Variants in TRMT44 observed in about 807,000 individuals in gnomAD.
The protein encoded by TRMT44 is probable tRNA (uracil-O(2)-)-methyltransferase.
In TRMT44, 78 loss-of-function variants were observed where a neutral mutation model predicts 77.3. That is an observed-to-expected ratio of 1.01 (90% confidence interval 0.84 to 1.22). TRMT44 has a LOEUF of 1.22. Among genes scored for constraint, TRMT44 ranks in the 50% most tolerant of loss-of-function variants. The pLI is 0.00. For missense variants in TRMT44, 1,090 were observed against 964.4 expected, an observed-to-expected ratio of 1.13 and a Z score of -1.73; for synonymous variants, 391 against 383.3, an observed-to-expected ratio of 1.02 and a Z score of -0.23.
At chr4:8,471,671 C>T (rs547896664) in intron 10 of TRMT44, among the ~76,000 whole-genome samples, 33 of 152,386 alleles carry the variant, frequency 2.2e-4, no homozygotes, top group African/African-American at 6.7e-4. Context: ...CCTCGCCCCA[C>T]GGGCCTGGGC....
rs761233233 is a variant in TRMT44 at position 8,444,375 on chromosome 4, T to C, written c.620-2101T>C. Among the ~76,000 whole-genome samples the C allele has an allele frequency of 6.6e-6, 1 of 151,918 alleles. No homozygotes were observed. The highest frequency in any genetic ancestry group is 1.5e-5 in the Non-Finnish European group (1 of 67,976). On this transcript the variant is annotated intron_variant, in intron 1 of 10. Coordinates refer to ENST00000389737, the MANE Select transcript of TRMT44 (RefSeq NM_152544.3). This position sits in a 1 kb window ranked among gnomAD's most constrained non-coding sequence, Gnocchi z 4.0. The stretch of plus-strand genomic sequence containing the variant: ...AGTATATGATAGTCTAACAGGGGGA[T>C]TATAATGAATAATAACTTAATTGTA...
intron 2 of TRMT44, among the ~76,000 whole-genome samples, chr4:8,485,575 T>A (rs1249706858): frequency 2.0e-5 from 3 of 152,000 alleles, no homozygotes; most frequent in Non-Finnish European, 4.4e-5. Flanking sequence ...GTAATGGGCA[T>A]GTGATCGGTT....
chr4:8,471,018 C>T (rs1169572146), intron 9 of TRMT44, 66 bp from the exon 10 acceptor site: 7 of 1,115,528 alleles, frequency 6.3e-6, no homozygotes, highest in Non-Finnish European at 7.9e-6. Flanking sequence ...ACTGTTTCTG[C>T]CTGTGTGACA....
downstream of TRMT44, chr4:8,477,418 G>A (rs908035795): frequency 4.6e-5 from 7 of 152,278 alleles, no homozygotes; most frequent in South Asian, 2.1e-4. Flanking sequence ...CTGGCGCTCC[G>A]TGGCCCTTTG....
chr4:8,465,394 C>A lies in TRMT44; in HGVS notation c.1327C>A (p.Arg443Ser), dbSNP rs143660619. 7.4e-6 allele frequency: 12 copies of A among 1,611,674 alleles called. No individual in the cohort carries two copies. The East Asian group carries it at 2.2e-4, about 30-fold the overall frequency. ...VIAARSSYNC[R>S]FFVLPCCFFD... ...TTTTTGAAGGTCTTCCTACAATTGCCGCTTCTTTGTCCTCCCCTGCTGCTT... is the reference window on the plus strand; with the variant it reads ...TTTTTGAAGGTCTTCCTACAATTGCAGCTTCTTTGTCCTCCCCTGCTGCTT... Residue 443 changes from arginine (R) to serine (S), a missense_variant, in exon 8 of 11, where the codon CGC becomes AGC. Arg to Ser is a moderately radical substitution (Grantham distance 110). Transcript: ENST00000389737.
In TRMT44 at chr4:8,452,137, A is replaced by T; in HGVS notation, c.1023+109A>T. 1.0e-6 allele frequency: 1 copy of T among 1,002,692 alleles called. No individual in the cohort carries two copies. 62.1% of individuals were successfully genotyped at this position (1,002,692 alleles called of 1,614,324 possible). A position where few individuals can be genotyped will look rare whatever the true frequency, so the allele number is the denominator to read the frequency against. On this transcript the variant is annotated intron_variant, in intron 4 of 10. Coordinates refer to ENST00000389737, the MANE Select transcript of TRMT44 (RefSeq NM_152544.3). This position sits in a 1 kb window ranked among gnomAD's most constrained non-coding sequence, Gnocchi z 5.7. The stretch of plus-strand genomic sequence containing the variant: ...CAAATCCATAACTGCCGGTGCTCAC[A>T]ATTCTGCTGGCCAAGGTTGGTTTCT...
Position 8,452,305 on chromosome 4 carries a change from C to T in TRMT44, c.1023+277C>T, listed in dbSNP as rs1048202947. ...GTCATCGTGGAGGCACCGGCTGGCA[C>T]AGGGAAGCACTGAGGAACACGTGTC... On this transcript the variant is annotated intron_variant, in intron 4 of 10. Coordinates refer to ENST00000389737, the MANE Select transcript of TRMT44 (RefSeq NM_152544.3). The surrounding 1 kb of genome is among the most constrained non-coding windows in gnomAD (Gnocchi z 5.7). Among the ~76,000 whole-genome samples the T allele has an allele frequency of 5.9e-5, 9 of 152,254 alleles. No individual in the cohort carries two copies. The highest frequency in any genetic ancestry group is 1.9e-4 in the African/African-American group (8 of 41,476).
At chr4:8,504,843 G>A in the TRMT44 span, among the ~76,000 whole-genome samples, 8 of 152,174 alleles carry the variant, frequency 5.3e-5, no homozygotes, top group Non-Finnish European at 4.4e-5. This position sits in a 1 kb window ranked among gnomAD's most constrained non-coding sequence, Gnocchi z 5.3. Context: ...CCCAGTCCCT[G>A]AGCTCCCTGG....
In TRMT44 at chr4:8,476,057, C is replaced by G; in HGVS notation, c.*56C>G. On this transcript the variant is annotated 3_prime_UTR_variant, in exon 11 of 11. Coordinates refer to ENST00000389737, the MANE Select transcript of TRMT44 (RefSeq NM_152544.3). Reference sequence around the variant, plus strand: ...GGGAGGCCAAACCAAGGAGAGCTTCCCCAGCAGTCGTCAGTGCTGTGGTCT... The same window carrying G: ...GGGAGGCCAAACCAAGGAGAGCTTCGCCAGCAGTCGTCAGTGCTGTGGTCT... 1 of 1,546,712 alleles carries G rather than the reference C, an allele frequency of 6.5e-7. No individual in the cohort carries two copies. The highest frequency in any genetic ancestry group is 8.9e-7 in the Non-Finnish European group (1 of 1,129,646).
At chr4:8,495,411 G>T (rs1379588470), downstream of TRMT44, among the ~76,000 whole-genome samples, 3 of 152,240 alleles carry the variant, frequency 2.0e-5, no homozygotes, top group Non-Finnish European at 4.4e-5. Flanking sequence ...TGACCAGAGG[G>T]ACACTCGGGT....
Position 8,444,159 on chromosome 4 carries a change from G to C in TRMT44, c.620-2317G>C, listed in dbSNP as rs889153967. On this transcript the variant is annotated intron_variant, in intron 1 of 10. Transcript: ENST00000389737. This position sits in a 1 kb window ranked among gnomAD's most constrained non-coding sequence, Gnocchi z 4.0. ...CAGAGGTTTCAGTCGGGGCAGTTTT[G>C]ATCCTCAGAAGTTTGTCATTCAAAC... 2.0e-5 allele frequency among the ~76,000 whole-genome samples: 3 copies of C among 152,034 alleles called. No homozygotes were observed. Among genetic ancestry groups the C allele is most frequent in the South Asian group, 4.1e-4 (2 of 4,826 alleles).
Position 8,448,320 on chromosome 4 carries a change from C to T in TRMT44, c.735-1349C>T, listed in dbSNP as rs554353483. Reference sequence around the variant, plus strand: ...AGCATGTGTTAGGGCTGGCACGCAGCGGGAAGTGAGTCTCCTGGGGCAGTG... The same window carrying T: ...AGCATGTGTTAGGGCTGGCACGCAGTGGGAAGTGAGTCTCCTGGGGCAGTG... On this transcript the variant is annotated intron_variant, in intron 2 of 10. Transcript: ENST00000389737. Among the ~76,000 whole-genome samples the T allele has an allele frequency of 6.6e-5, 10 of 152,286 alleles. No homozygotes were observed. The East Asian group carries it at 1.4e-3, about 21-fold the overall frequency.
chr4:8,506,904 C>T, the TRMT44 span: 959 of 152,726 alleles, frequency 6.3e-3, 7 homozygotes, highest in Non-Finnish European at 0.011. Context: ...CAGGCAGGGC[C>T]ACGGGAACCT....
chr4:8,483,418 G>T lies in TRMT44; in HGVS notation n.3891+3885G>T, dbSNP rs181602994. Among the ~76,000 whole-genome samples, 513 of 129,576 alleles carry T rather than the reference G, an allele frequency of 4.0e-3. 1 individual carries two copies. The highest frequency in any genetic ancestry group is 0.013 in the African/African-American group (413 of 31,688). The allele number at this position is 129,576 out of a possible 152,430, so 85.0% of individuals were successfully genotyped here. A position where few individuals can be genotyped will look rare whatever the true frequency, so the allele number is the denominator to read the frequency against. ...GATAGTAGGGTTGACAAGTTTTTTT[G>T]GGGGGGGGCACGGTCTAAGTTGGTC... On this transcript the variant is annotated intron_variant and non_coding_transcript_variant, in intron 2 of 2. Transcript: ENST00000511366.
chr4:8,479,528 G>A (rs1242497609), downstream of TRMT44: 2 of 152,002 alleles, frequency 1.3e-5, no homozygotes, highest in South Asian at 2.1e-4. Flanking sequence ...CAGTTGTAAC[G>A]CAATGGTAAG....
chr4:8,480,308 T>C (rs1471552558), downstream of TRMT44, among the ~76,000 whole-genome samples: 1 of 151,992 alleles, frequency 6.6e-6, no homozygotes, highest in Admixed American at 6.6e-5. Context: ...GGAGGTGGAG[T>C]GCAGCATTTG....
intron 7 of TRMT44, 57 bp downstream of exon 7, chr4:8,464,148 A>G (rs1482242694): frequency 2.1e-6 from 3 of 1,454,724 alleles, no homozygotes; most frequent in Non-Finnish European, 2.9e-6. Context: ...TCTTCTAAAC[A>G]GTGGTGTCCA....
the TRMT44 span, chr4:8,510,840 G>A: frequency 6.6e-6 from 1 of 152,460 alleles, no homozygotes; most frequent in African/African-American, 2.4e-5. Context: ...AAGGTCCTGG[G>A]TCTGCCTCAG....
At chr4:8,499,345 A>G in the TRMT44 span, among the ~76,000 whole-genome samples, 1 of 152,126 alleles carries the variant, frequency 6.6e-6, no homozygotes, top group Admixed American at 6.5e-5. Context: ...GGTGTTGTAC[A>G]AGAAAATGCA....
Sources: allele counts gnomAD v4.1 joint callset (sites outside exome capture counted in the v4.1 genomes callset), GRCh38; gene constraint gnomAD v4.1.1; non-coding constraint Gnocchi (gnomAD v3.1); transcripts MANE v1.5; gene names NCBI Gene and HGNC (gene_info 2026-07-23, HGNC 2026-07-21).